Variants in TANC1 observed in about 807,000 individuals in gnomAD.
The protein encoded by TANC1 is tetratricopeptide repeat, ankyrin repeat and coiled-coil containing 1, also known as protein TANC1.
Under a neutral mutation model 149.7 loss-of-function variants are expected in TANC1, and 77 were observed. The observed-to-expected ratio is 0.51, with a 90% CI of 0.43 to 0.62. The LOEUF (loss-of-function observed/expected upper bound fraction) is 0.62, where lower values mean the gene tolerates loss of function less well. Among genes scored for constraint, TANC1 ranks in the 20% least tolerant of loss-of-function variants. TANC1 has a pLI of 0.00. For synonymous variants in TANC1, 854 were observed against 925.0 expected, an observed-to-expected ratio of 0.92 and a Z score of 1.39; for missense variants, 1,985 against 2,321.8, an observed-to-expected ratio of 0.85 and a Z score of 2.98.
intron 4 of TANC1, among the ~76,000 whole-genome samples, chr2:159,112,865 G>A (rs2047889484): frequency 6.6e-6 from 1 of 151,964 alleles, no homozygotes; most frequent in African/African-American, 2.4e-5. Flanking sequence ...ACAGGTGTAA[G>A]CCACCACACC....
chr2:159,105,011 T>A (rs368959749), intron 4 of TANC1, among the ~76,000 whole-genome samples: 15 of 49,038 alleles, frequency 3.1e-4, no homozygotes, highest in South Asian at 2.6e-3. Context: ...TTTTTTTTTT[T>A]TGAGATGGAG....
intron 4 of TANC1, among the ~76,000 whole-genome samples, chr2:159,124,680 G>T (rs962625069): frequency 6.6e-6 from 1 of 151,996 alleles, no homozygotes; most frequent in Admixed American, 6.5e-5. Flanking sequence ...AAAGTTTGTG[G>T]TTGTTCAATT....
intron 14 of TANC1, among the ~76,000 whole-genome samples, chr2:159,182,618 AATTT>A (rs2056604686): frequency 6.6e-6 from 1 of 152,160 alleles, no homozygotes; most frequent in Non-Finnish European, 1.5e-5. Flanking sequence ...CCATCATCTG[AATTT>A]TGTGTCCTCA....
chr2:159,139,508 A>C (rs1193393396), intron 5 of TANC1, among the ~76,000 whole-genome samples: 1 of 152,206 alleles, frequency 6.6e-6, no homozygotes, highest in Non-Finnish European at 1.5e-5. Flanking sequence ...GGGAAAAAAA[A>C]CCTTCAGATA....
intron 4 of TANC1, among the ~76,000 whole-genome samples, chr2:159,109,409 A>G (rs772204083): frequency 3.9e-5 from 6 of 152,212 alleles, no homozygotes; most frequent in Admixed American, 1.3e-4. Context: ...TTAGGATGCT[A>G]TGAAGAGATG....
chr2:159,178,344 A>G (rs1024749199), intron 13 of TANC1, among the ~76,000 whole-genome samples: 3 of 152,222 alleles, frequency 2.0e-5, no homozygotes, highest in Admixed American at 1.3e-4. Context: ...TCAGGATAGC[A>G]CTTACTGATT....
chr2:159,007,138 GTTTT>G (rs70994252), intron 2 of TANC1, among the ~76,000 whole-genome samples: 4 of 69,520 alleles, frequency 5.8e-5, no homozygotes, highest in African/African-American at 1.7e-4. Flanking sequence ...CTTTAATACT[GTTTT>G]TTTTTTTTTT....
intron 7 of TANC1, among the ~76,000 whole-genome samples, chr2:159,153,833 G>C (rs1296712099): frequency 6.6e-6 from 1 of 152,306 alleles, no homozygotes; most frequent in East Asian, 1.9e-4. Context: ...TTTTTATAAG[G>C]TGTAGCCTGG....
intron 2 of TANC1, among the ~76,000 whole-genome samples, chr2:159,040,486 C>T (rs1186839847): frequency 6.6e-6 from 1 of 152,196 alleles, no homozygotes; most frequent in African/African-American, 2.4e-5. Flanking sequence ...CTAAACTTCT[C>T]TTCTCGCTTC....
chr2:159,158,778 T>A (rs2053695356), intron 7 of TANC1, among the ~76,000 whole-genome samples: 1 of 152,156 alleles, frequency 6.6e-6, no homozygotes. Flanking sequence ...AGAAAACACA[T>A]GTGGAAGGTG....
intron 1 of TANC1, among the ~76,000 whole-genome samples, chr2:158,976,707 C>A (rs528211321): frequency 7.9e-5 from 12 of 152,158 alleles, no homozygotes; most frequent in Non-Finnish European, 1.3e-4. Flanking sequence ...ATGGTGAAAC[C>A]CCGTCTCTAC....
At chr2:159,077,022 A>G (rs1223916462) in intron 3 of TANC1, among the ~76,000 whole-genome samples, 6 of 144,096 alleles carry the variant, frequency 4.2e-5, no homozygotes, top group African/African-American at 1.0e-4. Context: ...TTCTTTTCCT[A>G]GAAGGATTAT....
intron 17 of TANC1, among the ~76,000 whole-genome samples, chr2:159,196,037 G>C (rs1002221134): frequency 6.6e-6 from 1 of 152,168 alleles, no homozygotes; most frequent in Non-Finnish European, 1.5e-5. Context: ...CCCTGACTTT[G>C]TGGCCGCCCC....
chr2:159,066,525 A>G (rs974887726), intron 3 of TANC1, among the ~76,000 whole-genome samples: 2 of 152,248 alleles, frequency 1.3e-5, no homozygotes, highest in Admixed American at 6.5e-5. Flanking sequence ...TTAAAGGTTC[A>G]TAATTTTAAT....
chr2:159,086,714 A>G (rs1331171273), intron 3 of TANC1, among the ~76,000 whole-genome samples: 1 of 152,196 alleles, frequency 6.6e-6, no homozygotes, highest in Non-Finnish European at 1.5e-5. Context: ...TATATGTCAA[A>G]CTGAAAATGT....
At chr2:159,058,804 A>G (rs184739203) in intron 2 of TANC1, among the ~76,000 whole-genome samples, 4 of 151,496 alleles carry the variant, frequency 2.6e-5, no homozygotes, top group African/African-American at 7.3e-5. Flanking sequence ...AATACTGGCT[A>G]AGGTAAGGTG....
intron 5 of TANC1, among the ~76,000 whole-genome samples, chr2:159,146,594 G>A (rs1209785942): frequency 7.0e-6 from 1 of 143,162 alleles, no homozygotes; most frequent in East Asian, 2.1e-4. Context: ...AGGCTGGAGT[G>A]CAGTGGCACA....
intron 19 of TANC1, among the ~76,000 whole-genome samples, chr2:159,214,001 C>T (rs1229260761): frequency 6.6e-6 from 1 of 151,890 alleles, no homozygotes; most frequent in Non-Finnish European, 1.5e-5. Context: ...GGGCTCGTGC[C>T]TGTAATCCCA....
chr2:159,192,306 T>G (rs1288573539), intron 16 of TANC1, among the ~76,000 whole-genome samples: 1 of 152,198 alleles, frequency 6.6e-6, no homozygotes, highest in African/African-American at 2.4e-5. Context: ...CATGACTATT[T>G]TTTTCTTTTT....
Sources: allele counts gnomAD v4.1 joint callset (sites outside exome capture counted in the v4.1 genomes callset), GRCh38; gene constraint gnomAD v4.1.1; transcripts MANE v1.5; gene names NCBI Gene and HGNC (gene_info 2026-07-23, HGNC 2026-07-21).